Variants in STRIP2 observed in about 807,000 individuals in gnomAD.
The protein encoded by STRIP2 is striatin-interacting protein 2.
In STRIP2, 84 loss-of-function variants were observed where a neutral mutation model predicts 107.1. The observed-to-expected ratio is 0.78, with a 90% CI of 0.66 to 0.94. The LOEUF is 0.94. Ranked by LOEUF, STRIP2 falls within the 40% of genes least tolerant of loss-of-function variation. The pLI is 0.00. For missense variants in STRIP2, 888 were observed against 1,034.2 expected, an observed-to-expected ratio of 0.86 and a Z score of 1.94; for synonymous variants, 394 against 400.4, an observed-to-expected ratio of 0.98 and a Z score of 0.19.
At chr7:129,463,187 C>G in intron 14 of STRIP2, 147 bp downstream of exon 14, 2 of 629,544 alleles carry the variant, frequency 3.2e-6, no homozygotes, top group South Asian at 2.0e-5. Flanking sequence ...CATGCAAATT[C>G]TGAGCTTTCC....
intron 1 of STRIP2, among the ~76,000 whole-genome samples, chr7:129,438,805 G>A (rs1481296266): frequency 1.3e-5 from 2 of 152,078 alleles, no homozygotes; most frequent in African/African-American, 2.4e-5. Context: ...TAACTCACAG[G>A]ATTCAGGAAA....
At chr7:129,450,039 A>G (rs1798140792) in intron 3 of STRIP2, among the ~76,000 whole-genome samples, 1 of 152,188 alleles carries the variant, frequency 6.6e-6, no homozygotes, top group East Asian at 1.9e-4. Flanking sequence ...AGGAATGTCA[A>G]ATGCATTTAT....
At chr7:129,437,925 C>T (rs1230598732) in intron 1 of STRIP2, among the ~76,000 whole-genome samples, 1 of 151,914 alleles carries the variant, frequency 6.6e-6, no homozygotes, top group African/African-American at 2.4e-5. Context: ...CCTGCCTCAG[C>T]CTCCCGAGTA....
chr7:129,458,825 G>C lies in STRIP2; in HGVS notation c.1340+48G>C, dbSNP rs749219088. On this transcript the variant is annotated intron_variant, in intron 11 of 20. Transcript: ENST00000249344. This position sits in a 1 kb window ranked among gnomAD's most constrained non-coding sequence, Gnocchi z 4.6. ...CTGGCTACAGAGTGGTTCCTAGGGG[G>C]CCAGAGGAGCAGGTAGCTTGGAATG... 2 of 1,578,542 alleles carry C rather than the reference G, an allele frequency of 1.3e-6. No individual in the cohort carries two copies. The highest frequency in any genetic ancestry group is 1.7e-5 in the Admixed American group (1 of 59,864).
At chr7:129,481,427 G>A (rs1799113010) in intron 19 of STRIP2, among the ~76,000 whole-genome samples, 1 of 151,896 alleles carries the variant, frequency 6.6e-6, no homozygotes, top group African/African-American at 2.4e-5. Context: ...AACCTGGGAG[G>A]CAGAGGTTTC....
chr7:129,476,014 T>TC (rs1266370173), intron 18 of STRIP2, among the ~76,000 whole-genome samples: 3 of 151,666 alleles, frequency 2.0e-5, no homozygotes, highest in African/African-American at 7.3e-5. Flanking sequence ...TCCCCACATT[T>TC]CCCCCCTCTC....
chr7:129,462,952 A>T lies in STRIP2; in HGVS notation c.1477-14A>T, dbSNP rs1798579176. 2 of 1,612,960 alleles carry T rather than the reference A, an allele frequency of 1.2e-6. No individual in the cohort carries two copies. Among genetic ancestry groups the T allele is most frequent in the Non-Finnish European group, 1.7e-6 (2 of 1,179,244 alleles). ...GGAAAGTGGCATTGCCAAACCATGTATTTCTTGCCATAGGGGGAAGAGGTG... is the reference window on the plus strand; with the variant it reads ...GGAAAGTGGCATTGCCAAACCATGTTTTTCTTGCCATAGGGGGAAGAGGTG... On this transcript the variant is annotated splice_polypyrimidine_tract_variant and intron_variant, in intron 13 of 20. Coordinates refer to ENST00000249344, the MANE Select transcript of STRIP2 (RefSeq NM_020704.3).
chr7:129,458,760 C>T lies in STRIP2; in HGVS notation c.1323C>T (p.Ile441=), dbSNP rs1319544467. The change falls in exon 11 of 21, where the codon ATC becomes ATT. Residue 441 remains isoleucine, a synonymous_variant. Transcript: ENST00000249344. The surrounding 1 kb of genome is among the most constrained non-coding windows in gnomAD (Gnocchi z 4.6). ...TGGAGATGAGCAGGAACAAGTTCAT[C>T]GGATTCACCCTGGGGCAGTAAGTGA... The part of the protein sequence containing the change: ...HFLEMSRNKF[I]GFTLGQDTDT... 3.7e-6 allele frequency: 6 copies of T among 1,614,136 alleles called. No individual in the cohort carries two copies. Among genetic ancestry groups the T allele is most frequent in the East Asian group, 2.2e-5 (1 of 44,878 alleles).
chr7:129,473,696 TTTTTTATTTATTTTTTA>T (rs1248874205), intron 18 of STRIP2, among the ~76,000 whole-genome samples: 2 of 151,838 alleles, frequency 1.3e-5, no homozygotes, highest in African/African-American at 4.8e-5. Flanking sequence ...TTTCTTTAAA[TTTTTTATTTATTTTTTA>T]TTTTTATTTA....
At chr7:129,482,147 A>G (rs547420906) in intron 19 of STRIP2, among the ~76,000 whole-genome samples, 4 of 152,092 alleles carry the variant, frequency 2.6e-5, no homozygotes, top group Non-Finnish European at 4.4e-5. Context: ...GTAAGACTCC[A>G]TCTTAAAAAC....
Position 129,451,613 on chromosome 7 carries a change from T to A in STRIP2, c.275T>A (p.Val92Glu), listed in dbSNP as rs570968068. The A allele has an allele frequency of 6.2e-7, 1 of 1,614,068 alleles. No homozygotes were observed. Among genetic ancestry groups the A allele is most frequent in the Non-Finnish European group, 8.5e-7 (1 of 1,179,978 alleles). Residue 92 changes from valine (V) to glutamate (E), a missense_variant and splice_region_variant, in exon 4 of 21, where the codon GTG (valine) becomes GAG (glutamate). Transcript: ENST00000249344. ...RCFEEDFKTQVQGKEWLELEE... is the reference protein window; with the variant it reads ...RCFEEDFKTQEQGKEWLELEE... ...GATGTATATGGCCTTTTATTCCCAG[T>A]GCAGGGCAAGGAATGGCTGGAGTTG...
intron 18 of STRIP2, among the ~76,000 whole-genome samples, chr7:129,474,674 C>G (rs774731743): frequency 6.6e-5 from 10 of 152,054 alleles, no homozygotes; most frequent in Non-Finnish European, 1.3e-4. Context: ...TACTGCCCAG[C>G]TAATTTTTGT....
chr7:129,479,841 T>TGGTATTA (rs1393576307), intron 18 of STRIP2, among the ~76,000 whole-genome samples: 2 of 152,318 alleles, frequency 1.3e-5, no homozygotes, highest in South Asian at 4.1e-4. Flanking sequence ...TTTTGGCTCT[T>TGGTATTA]GGTATTAGGT....
At chr7:129,454,355 C>T (rs772750541) in intron 6 of STRIP2, 66 bp from the exon 7 acceptor site, 7 of 1,467,570 alleles carry the variant, frequency 4.8e-6, no homozygotes, top group Non-Finnish European at 6.7e-6. Flanking sequence ...GAGACCATCT[C>T]TGAGGTCTGT....
intron 1 of STRIP2, 66 bp from the exon 2 acceptor site, chr7:129,439,956 C>A: frequency 8.0e-7 from 1 of 1,245,738 alleles, no homozygotes; most frequent in Non-Finnish European, 1.2e-6. Context: ...AATAAGGGTA[C>A]AGTCTTCCCT....
intron 18 of STRIP2, among the ~76,000 whole-genome samples, chr7:129,478,383 A>G (rs1454017436): frequency 6.6e-6 from 1 of 151,938 alleles, no homozygotes; most frequent in Non-Finnish European, 1.5e-5. Flanking sequence ...GGTGGCGGGC[A>G]CCTGTAATCC....
chr7:129,434,716 G>A, intron 1 of STRIP2, 115 bp downstream of exon 1: 1 of 1,238,894 alleles, frequency 8.1e-7, no homozygotes, highest in African/African-American at 1.6e-5. Flanking sequence ...TCAGCCCCGC[G>A]CAGTGGGCGC....
chr7:129,476,443 G>T (rs1285389182), intron 18 of STRIP2, among the ~76,000 whole-genome samples: 1 of 146,968 alleles, frequency 6.8e-6, no homozygotes, highest in Admixed American at 6.7e-5. Flanking sequence ...GGGCGGAGGG[G>T]CTCCTCACTT....
intron 4 of STRIP2, 113 bp downstream of exon 4, chr7:129,451,860 CA>C: frequency 7.7e-7 from 1 of 1,293,720 alleles, no homozygotes; most frequent in Non-Finnish European, 1.1e-6. Flanking sequence ...TCTTGCCTCT[CA>C]AGGACAGATC....
Sources: allele counts gnomAD v4.1 joint callset (sites outside exome capture counted in the v4.1 genomes callset), GRCh38; gene constraint gnomAD v4.1.1; non-coding constraint Gnocchi (gnomAD v3.1); transcripts MANE v1.5; gene names NCBI Gene and HGNC (gene_info 2026-07-23, HGNC 2026-07-21).